Variants in GJB7 observed in about 807,000 individuals in gnomAD.
The protein encoded by GJB7 is gap junction protein beta 7.
For synonymous variants in GJB7, 87 were observed against 95.2 expected (o/e 0.91, Z 0.50); for missense variants, 253 against 256.8 (o/e 0.99, Z 0.10).
At chr6:87,325,144 T>C (rs966493337) in intron 1 of GJB7, among the ~76,000 whole-genome samples, 2 of 152,210 alleles carry the variant, frequency 1.3e-5, no homozygotes. Flanking sequence ...TGAAGTTGCT[T>C]ATCAGCTTAA....
intron 2 of GJB7, among the ~76,000 whole-genome samples, chr6:87,290,270 C>T (rs1234949595): frequency 6.6e-6 from 1 of 152,172 alleles, no homozygotes. Context: ...TTTCTACTCT[C>T]CCCTGAGTGC....
At chr6:87,288,060 G>A (rs1776094678) in intron 2 of GJB7, among the ~76,000 whole-genome samples, 1 of 151,962 alleles carries the variant, frequency 6.6e-6, no homozygotes. Context: ...CCACCACCAC[G>A]GCTGGCTAAT....
intron 1 of GJB7, among the ~76,000 whole-genome samples, chr6:87,328,534 G>GC: frequency 3.3e-5 from 5 of 151,862 alleles, no homozygotes; most frequent in African/African-American, 1.2e-4. Context: ...GTCTGCCCCT[G>GC]CTGGAGGCTG....
At chr6:87,288,810 C>T (rs1175001446) in intron 2 of GJB7, among the ~76,000 whole-genome samples, 1 of 152,192 alleles carries the variant, frequency 6.6e-6, no homozygotes, top group Non-Finnish European at 1.5e-5. Context: ...ACTTTTCACT[C>T]TTTTCATCTG....
At chr6:87,309,809 G>A (rs139114259) in intron 2 of GJB7, among the ~76,000 whole-genome samples, 349 of 152,286 alleles carry the variant, frequency 2.3e-3, no homozygotes, top group African/African-American at 8.2e-3. Context: ...ACATACAGCT[G>A]CTCATATCTC....
In GJB7 at chr6:87,284,472, AT is replaced by A. The variant is rs1776023785; in HGVS notation, c.440del (p.Asp147ValfsTer9). ...GFLVLFYKLY[D>X]GFSVPYLIKC... ...TTATAAGGTAGGGAACACTAAAGCCATCATATAGCTTATAAAATAAAACAAG... is the reference window on the plus strand; with the variant it reads ...TTATAAGGTAGGGAACACTAAAGCCACATATAGCTTATAAAATAAAACAAG... On this transcript the variant is annotated frameshift_variant, in exon 3 of 3. Coordinates refer to ENST00000525899, the MANE Select transcript of GJB7 (RefSeq NM_198568.3). LOFTEE classifies it low-confidence loss of function (END_TRUNC). 1 of 1,614,100 alleles carries A rather than the reference AT, an allele frequency of 6.2e-7. No individual in the cohort carries two copies. The highest frequency in any genetic ancestry group is 1.7e-5 in the Admixed American group (1 of 60,018).
rs1030509101 is a variant in GJB7 at position 87,283,205 on chromosome 6, G to C, written c.*1036C>G. The C allele has an allele frequency of 6.6e-6, 1 of 152,114 alleles. No individual in the cohort carries two copies. Among genetic ancestry groups the C allele is most frequent in the Admixed American group, 6.6e-5 (1 of 15,264 alleles). The allele number at this position is 152,114 out of a possible 1,614,324, so 9.4% of individuals were successfully genotyped here. ...GGAGATATACTAGTAAATTATAGGC[G>C]AACTATGACTTACAGTATAGTACAT... On this transcript the variant is annotated 3_prime_UTR_variant, in exon 3 of 3. Coordinates refer to ENST00000525899, the MANE Select transcript of GJB7 (RefSeq NM_198568.3).
intron 1 of GJB7, among the ~76,000 whole-genome samples, chr6:87,328,251 T>A: frequency 6.6e-6 from 1 of 152,156 alleles, no homozygotes; most frequent in Non-Finnish European, 1.5e-5. Context: ...TTCTCTCAGC[T>A]CGTCAAAGTC....
rs1256151841 is a variant in GJB7, at chr6:87,284,314, A to C, written c.599T>G (p.Phe200Cys). 8 of 1,614,084 alleles carry C rather than the reference A, an allele frequency of 5.0e-6. No individual in the cohort carries two copies. The Admixed American group carries it at 1.3e-4, about 27-fold the overall frequency. The change falls in exon 3 of 3, where the codon TTT becomes TGT. Residue 200 changes from phenylalanine (F) to cysteine (C), a missense_variant. Coordinates refer to ENST00000525899, the MANE Select transcript of GJB7 (RefSeq NM_198568.3). ...CTTAATAAAGCACTTGAGAACCAAA[A>C]AACTCAGTTCAATGAAATTCAACAC... ...CIVLNFIELS[F>C]LVLKCFIKCC... is the part of the protein sequence containing the mutation.
intron 2 of GJB7, among the ~76,000 whole-genome samples, chr6:87,314,184 G>T (rs1776549834): frequency 6.6e-6 from 1 of 152,126 alleles, no homozygotes; most frequent in African/African-American, 2.4e-5. Context: ...TAGTATCTGG[G>T]TAAATATAAG....
chr6:87,288,365 T>G (rs1187091179), intron 2 of GJB7, among the ~76,000 whole-genome samples: 2 of 152,230 alleles, frequency 1.3e-5, no homozygotes, highest in African/African-American at 4.8e-5. Context: ...AGAAAGCTGT[T>G]TATAGAATAA....
intron 2 of GJB7, among the ~76,000 whole-genome samples, chr6:87,307,099 C>A (rs1776440352): frequency 6.6e-6 from 1 of 151,380 alleles, no homozygotes; most frequent in Non-Finnish European, 1.5e-5. Flanking sequence ...GGGTGCAGCA[C>A]ACCAGCATGG....
At chr6:87,300,171 CA>C in intron 2 of GJB7, 1 of 220,810 alleles carries the variant, frequency 4.5e-6, no homozygotes. Flanking sequence ...AAAGAACACT[CA>C]AAAATCCTGC....
chr6:87,297,438 T>C (rs1157133700), intron 2 of GJB7, among the ~76,000 whole-genome samples: 1 of 152,194 alleles, frequency 6.6e-6, no homozygotes, highest in East Asian at 1.9e-4. Context: ...TGTGGAAAAA[T>C]CTTCCAAATA....
At chr6:87,301,283 AG>A (rs1359057873) in intron 2 of GJB7, among the ~76,000 whole-genome samples, 9 of 152,200 alleles carry the variant, frequency 5.9e-5, no homozygotes, top group Admixed American at 2.0e-4. Flanking sequence ...TTCCTAGCCA[AG>A]GGAAGCTGTG....
intron 1 of GJB7, among the ~76,000 whole-genome samples, chr6:87,327,877 C>G (rs1776869316): frequency 6.7e-6 from 1 of 150,110 alleles, no homozygotes; most frequent in Non-Finnish European, 1.5e-5. Context: ...TTCTCCCCGT[C>G]ACTTTCAGGT....
intron 1 of GJB7, among the ~76,000 whole-genome samples, chr6:87,324,935 T>G (rs1776779000): frequency 6.6e-6 from 1 of 152,188 alleles, no homozygotes; most frequent in Non-Finnish European, 1.5e-5. Flanking sequence ...TTGTATCCTC[T>G]TTTATTTCCT....
At chr6:87,289,696 T>G (rs1371733860) in intron 2 of GJB7, among the ~76,000 whole-genome samples, 1 of 152,214 alleles carries the variant, frequency 6.6e-6, no homozygotes, top group African/African-American at 2.4e-5. Flanking sequence ...GTGACACTGT[T>G]GAAACCCCTG....
At chr6:87,291,203 TTTAA>T (rs1776167370) in intron 2 of GJB7, among the ~76,000 whole-genome samples, 1 of 152,246 alleles carries the variant, frequency 6.6e-6, no homozygotes, top group Admixed American at 6.5e-5. Context: ...CTTTAATTAT[TTTAA>T]TTGTACTCGT....
Sources: allele counts gnomAD v4.1 joint callset (sites outside exome capture counted in the v4.1 genomes callset), GRCh38; gene constraint gnomAD v4.1.1; transcripts MANE v1.5; gene names NCBI Gene and HGNC (gene_info 2026-07-23, HGNC 2026-07-21).